Variants in B3GALT1 observed in about 807,000 individuals in gnomAD.
B3GALT1 encodes UDP-Gal:betaGlcNAc beta 1,3-galactosyltransferase, polypeptide 1.
Under a neutral mutation model 23.2 loss-of-function variants are expected in B3GALT1, and 10 were observed. The observed-to-expected ratio is 0.43, with a 90% CI of 0.27 to 0.73. The LOEUF is 0.73. Among genes scored for constraint, B3GALT1 ranks in the 30% least tolerant of loss-of-function variants. The pLI, the probability that B3GALT1 is intolerant of heterozygous loss-of-function variation, is 0.21. For synonymous variants in B3GALT1, 156 were observed against 141.5 expected (o/e 1.10, Z -0.73); for missense variants, 299 against 405.4 (o/e 0.74, Z 2.25).
At chr2:167,702,457 A>G (rs762259016) in intron 3 of B3GALT1, among the ~76,000 whole-genome samples, 6 of 152,252 alleles carry the variant, frequency 3.9e-5, no homozygotes, top group Non-Finnish European at 5.9e-5. Flanking sequence ...TGCACAATAT[A>G]GATGAAATAG....
chr2:167,713,719 C>G, intron 3 of B3GALT1: 1 of 1,538,530 alleles, frequency 6.5e-7, no homozygotes, highest in Non-Finnish European at 9.0e-7. Context: ...AATCAACCCT[C>G]AAGGGAACTT....
At chr2:167,364,607 C>A (rs553934520) in intron 1 of B3GALT1, among the ~76,000 whole-genome samples, 1 of 152,062 alleles carries the variant, frequency 6.6e-6, no homozygotes. Flanking sequence ...TCTGTCCTTG[C>A]GATAGTTTGC....
intron 2 of B3GALT1, among the ~76,000 whole-genome samples, chr2:167,587,850 T>C (rs1443278589): frequency 3.3e-5 from 5 of 152,236 alleles, no homozygotes; most frequent in Non-Finnish European, 7.3e-5. Flanking sequence ...CTAAAAAATA[T>C]TATACAACCT....
chr2:167,421,167 C>A (rs1211207554), intron 1 of B3GALT1, among the ~76,000 whole-genome samples: 1 of 152,148 alleles, frequency 6.6e-6, no homozygotes, highest in East Asian at 1.9e-4. Flanking sequence ...TGACAAATGG[C>A]TGTTTAAATT....
chr2:167,741,459 G>T (rs543461256), intron 3 of B3GALT1, among the ~76,000 whole-genome samples: 48 of 152,272 alleles, frequency 3.2e-4, no homozygotes, highest in South Asian at 2.1e-3. Context: ...AAGGTGGGGT[G>T]GATATAGCCA....
chr2:167,357,336 T>G (rs1697432212), intron 1 of B3GALT1, among the ~76,000 whole-genome samples: 1 of 152,072 alleles, frequency 6.6e-6, no homozygotes, highest in Non-Finnish European at 1.5e-5. Flanking sequence ...AGAAAAAATA[T>G]GTAGTTAAAA....
chr2:167,578,089 G>A (rs1684416021), intron 2 of B3GALT1, among the ~76,000 whole-genome samples: 1 of 151,874 alleles, frequency 6.6e-6, no homozygotes, highest in Non-Finnish European at 1.5e-5. Context: ...GAATGTTAGT[G>A]AATGGATTTT....
At chr2:167,807,820 A>G (rs1389778226) in intron 3 of B3GALT1, among the ~76,000 whole-genome samples, 18 of 152,144 alleles carry the variant, frequency 1.2e-4, no homozygotes, top group African/African-American at 4.3e-4. Context: ...TTCTGTAGAT[A>G]TCTATTAGGT....
intron 1 of B3GALT1, among the ~76,000 whole-genome samples, chr2:167,423,436 T>C (rs768534861): frequency 1.3e-5 from 2 of 152,322 alleles, no homozygotes; most frequent in African/African-American, 2.4e-5. Flanking sequence ...CTGTGGACTT[T>C]CTACTCGCAA....
At chr2:167,563,471 C>T (rs1278671783) in intron 2 of B3GALT1, among the ~76,000 whole-genome samples, 5 of 114,960 alleles carry the variant, frequency 4.3e-5, no homozygotes, top group African/African-American at 1.6e-4. Context: ...CTCCTCACTT[C>T]CCAGTAGGGG....
At chr2:167,658,164 G>A (rs1685988861) in intron 3 of B3GALT1, among the ~76,000 whole-genome samples, 1 of 152,040 alleles carries the variant, frequency 6.6e-6, no homozygotes, top group African/African-American at 2.4e-5. Flanking sequence ...ACATAGACAG[G>A]GCTCCTGCAC....
rs1024747273 is a variant in B3GALT1, at chr2:167,873,532, T to C, written c.*3512T>C. 4 of 152,232 alleles carry C rather than the reference T, an allele frequency of 2.6e-5. No homozygotes were observed. Among genetic ancestry groups the C allele is most frequent in the Non-Finnish European group, 5.9e-5 (4 of 68,038 alleles). 9.4% of individuals were successfully genotyped at this position (152,232 alleles called of 1,614,324 possible). On this transcript the variant is annotated 3_prime_UTR_variant, in exon 5 of 5. Transcript: ENST00000392690. Reference sequence around the variant, plus strand: ...TTACCTAAAGCATCTGGGATTCATTTTTTACCTTTCCTAATATGTGGGTTT... The same window carrying C: ...TTACCTAAAGCATCTGGGATTCATTCTTTACCTTTCCTAATATGTGGGTTT...
At chr2:167,696,039 G>A (rs1272142675) in intron 3 of B3GALT1, among the ~76,000 whole-genome samples, 1 of 152,072 alleles carries the variant, frequency 6.6e-6, no homozygotes, top group Non-Finnish European at 1.5e-5. Context: ...AGGAAAAATA[G>A]CCTTTAACTG....
intron 4 of B3GALT1, among the ~76,000 whole-genome samples, chr2:167,823,939 T>C (rs1439722998): frequency 6.6e-6 from 1 of 152,264 alleles, no homozygotes; most frequent in Non-Finnish European, 1.5e-5. Flanking sequence ...TGATAATTCT[T>C]AGCTATTATT....
At chr2:167,607,328 T>C (rs1033442374) in intron 2 of B3GALT1, among the ~76,000 whole-genome samples, 2 of 152,204 alleles carry the variant, frequency 1.3e-5, no homozygotes, top group African/African-American at 2.4e-5. Context: ...AAGCGTTGGC[T>C]TTTGGAGTCT....
intron 1 of B3GALT1, among the ~76,000 whole-genome samples, chr2:167,318,372 A>C (rs1223439929): frequency 6.6e-6 from 1 of 152,060 alleles, no homozygotes; most frequent in Non-Finnish European, 1.5e-5. Flanking sequence ...ACTGAAGCCC[A>C]AATAATAGCA....
intron 3 of B3GALT1, among the ~76,000 whole-genome samples, chr2:167,695,369 A>G (rs1448843): frequency 0.84 from 128,330 of 152,158 alleles, 54,491 homozygotes; most frequent in East Asian, 0.93. Context: ...TTTGAGAAAA[A>G]AGTTTTTACC....
intron 1 of B3GALT1, among the ~76,000 whole-genome samples, chr2:167,395,474 T>C (rs1698079545): frequency 6.6e-6 from 1 of 152,102 alleles, no homozygotes; most frequent in Non-Finnish European, 1.5e-5. Context: ...TGGCTCCTAG[T>C]AGCTGGAAAA....
At chr2:167,804,250 A>G (rs1688701590) in intron 3 of B3GALT1, among the ~76,000 whole-genome samples, 1 of 152,128 alleles carries the variant, frequency 6.6e-6, no homozygotes, top group South Asian at 2.1e-4. Context: ...TCGGCCGCCC[A>G]AAGTGCTGGG....
Sources: gnomAD v4.1 joint callset for allele counts (sites outside exome capture counted in the v4.1 genomes callset) on GRCh38, gnomAD v4.1.1 for gene constraint, MANE v1.5 for transcripts, NCBI Gene and HGNC (gene_info 2026-07-23, HGNC 2026-07-21) for gene names.